Variants in KCNIP4 observed in about 807,000 individuals in gnomAD.
The protein encoded by KCNIP4 is potassium voltage-gated channel interacting protein 4.
KCNIP4 carries 12 observed loss-of-function variants against 34.0 expected under a neutral mutation model. The observed-to-expected ratio is 0.35, with a 90% CI of 0.23 to 0.57. The LOEUF (loss-of-function observed/expected upper bound fraction) is 0.57, where lower values mean the gene tolerates loss of function less well. Ranked by LOEUF, KCNIP4 falls within the 20% of genes least tolerant of loss-of-function variation. KCNIP4 has a pLI of 0.83. For missense variants in KCNIP4, 238 were observed against 311.7 expected (o/e 0.76, Z 1.78); for synonymous variants, 124 against 102.2 (o/e 1.21, Z -1.29).
At chr4:21,634,820 A>G (rs1354151774) in intron 1 of KCNIP4, among the ~76,000 whole-genome samples, 11 of 152,216 alleles carry the variant, frequency 7.2e-5, no homozygotes, top group Admixed American at 4.6e-4. Context: ...TGAACAGAAT[A>G]TTATAACCAA....
intron 1 of KCNIP4, among the ~76,000 whole-genome samples, chr4:21,464,957 T>C (rs1314306917): frequency 3.3e-5 from 5 of 152,116 alleles, no homozygotes; most frequent in Admixed American, 2.0e-4. Flanking sequence ...TCTGATTCAA[T>C]AGATCACTGT....
chr4:21,458,919 CT>C (rs1349218287), intron 1 of KCNIP4, among the ~76,000 whole-genome samples: 1 of 151,982 alleles, frequency 6.6e-6, no homozygotes, highest in African/African-American at 2.4e-5. Flanking sequence ...TAACTGAACC[CT>C]TTTCTGGGAA....
intron 1 of KCNIP4, among the ~76,000 whole-genome samples, chr4:21,445,230 C>T (rs957815682): frequency 2.6e-5 from 4 of 152,196 alleles, no homozygotes; most frequent in African/African-American, 9.7e-5. Context: ...ATGCCATCCC[C>T]ATCAAGCTAC....
At chr4:21,763,124 C>A in intron 1 of KCNIP4, 1 of 1,284,570 alleles carries the variant, frequency 7.8e-7, no homozygotes, top group Non-Finnish European at 1.0e-6. Context: ...GTTCACCAGA[C>A]AATAATTCCT....
intron 1 of KCNIP4, among the ~76,000 whole-genome samples, chr4:21,567,142 C>G (rs1338951735): frequency 6.6e-6 from 1 of 151,990 alleles, no homozygotes; most frequent in Non-Finnish European, 1.5e-5. Flanking sequence ...TAATTCCCTG[C>G]CCGGTATATA....
intron 3 of KCNIP4, among the ~76,000 whole-genome samples, chr4:20,794,466 A>G (rs187645744): frequency 1.3e-5 from 2 of 152,298 alleles, no homozygotes; most frequent in East Asian, 1.9e-4. Flanking sequence ...TATGTTAATT[A>G]TACCTCAATA....
At chr4:21,623,526 T>C (rs1038771605) in intron 1 of KCNIP4, among the ~76,000 whole-genome samples, 1 of 152,224 alleles carries the variant, frequency 6.6e-6, no homozygotes, top group Non-Finnish European at 1.5e-5. Flanking sequence ...TTAGCTTATG[T>C]TGGTTCCCAA....
In KCNIP4 at chr4:21,234,403, T is replaced by TAACATACATCA. The variant is rs1560199327; in HGVS notation, c.62-351695_62-351694insTGATGTATGTT. Among the ~76,000 whole-genome samples the TAACATACATCA allele has an allele frequency of 1.8e-4, 23 of 129,666 alleles. 6 individuals are homozygous for TAACATACATCA. The highest frequency in any genetic ancestry group is 6.0e-4 in the African/African-American group (20 of 33,570). 85.1% of individuals were successfully genotyped at this position (129,666 alleles called of 152,430 possible). ...CATCATACATAACATATATAATATA[T>TAACATACATCA]TATATAACATATACTATATATATTA... is the stretch of plus-strand genomic sequence containing the variant. On this transcript the variant is annotated intron_variant, in intron 1 of 8. Transcript: ENST00000382152.
chr4:20,884,234 G>A (rs1725030760), intron 1 of KCNIP4, among the ~76,000 whole-genome samples: 1 of 152,148 alleles, frequency 6.6e-6, no homozygotes, highest in Non-Finnish European at 1.5e-5. Flanking sequence ...TTTACTTTAA[G>A]TTCTGGGATA....
intron 1 of KCNIP4, among the ~76,000 whole-genome samples, chr4:21,067,769 G>C (rs1577631248): frequency 6.6e-6 from 1 of 152,118 alleles, no homozygotes; most frequent in Admixed American, 6.5e-5. Flanking sequence ...AGCACAGAGA[G>C]AGACCCTGTT....
intron 1 of KCNIP4, among the ~76,000 whole-genome samples, chr4:21,217,807 G>A (rs1162365636): frequency 6.6e-6 from 1 of 152,044 alleles, no homozygotes; most frequent in Non-Finnish European, 1.5e-5. Flanking sequence ...AGCCAATGTG[G>A]TGTACATCTA....
Position 21,366,980 on chromosome 4 carries a change from C to T in KCNIP4, c.62-484271G>A, listed in dbSNP as rs145164689. Among the ~76,000 whole-genome samples, 254 of 152,194 alleles carry T rather than the reference C, an allele frequency of 1.7e-3. 1 individual carries two copies. The highest frequency in any genetic ancestry group is 5.9e-3 in the African/African-American group (247 of 41,554). ...GGTGATTAACTCATGAGGACAGAGC[C>T]TCATGAGATCAGGGTCTTTAAAAAG... On this transcript the variant is annotated intron_variant, in intron 1 of 8. Coordinates refer to ENST00000382152, the MANE Select transcript of KCNIP4 (RefSeq NM_025221.6).
intron 1 of KCNIP4, among the ~76,000 whole-genome samples, chr4:21,010,987 C>T (rs1038914217): frequency 1.3e-5 from 2 of 152,130 alleles, no homozygotes; most frequent in Non-Finnish European, 2.9e-5. Context: ...GAAAACATAA[C>T]CTGCACATAT....
Position 20,971,547 on chromosome 4 carries a change from CATT to C in KCNIP4, c.62-88841_62-88839del, listed in dbSNP as rs1256929034. ...CTGTAGTCTATTAAGTGTGCAATAG[CATT>C]ATGTCTAAAAAACAATGTGCAAACT... On this transcript the variant is annotated intron_variant, in intron 1 of 8. Coordinates refer to ENST00000382152, the MANE Select transcript of KCNIP4 (RefSeq NM_025221.6). Among the ~76,000 whole-genome samples the C allele has an allele frequency of 4.6e-5, 7 of 152,150 alleles. No homozygotes were observed. The East Asian group carries it at 1.2e-3, about 25-fold the overall frequency.
chr4:20,806,378 A>T (rs1560479425), intron 3 of KCNIP4, among the ~76,000 whole-genome samples: 1 of 151,940 alleles, frequency 6.6e-6, no homozygotes, highest in Non-Finnish European at 1.5e-5. Context: ...TGCTTTACAG[A>T]GGCAACTACT....
intron 1 of KCNIP4, chr4:21,729,962 T>G (rs1715471105): frequency 6.6e-6 from 1 of 152,050 alleles, no homozygotes; most frequent in South Asian, 2.1e-4. Flanking sequence ...AAGCACAAAT[T>G]GTTGGCTTGC....
Position 21,458,669 on chromosome 4 carries a change from G to A in KCNIP4, c.61+489902C>T, listed in dbSNP as rs143476372. Among the ~76,000 whole-genome samples, 380 of 152,112 alleles carry A rather than the reference G, an allele frequency of 2.5e-3. 2 individuals are homozygous for A. The highest frequency in any genetic ancestry group is 8.2e-3 in the African/African-American group (342 of 41,486). On this transcript the variant is annotated intron_variant, in intron 1 of 8. Transcript: ENST00000382152. Reference sequence around the variant, plus strand: ...TCGCTAACCTAAAAAAGCCCTCAATGCTGCCTGGCTATCTGACTACTTTAC... The same window carrying A: ...TCGCTAACCTAAAAAAGCCCTCAATACTGCCTGGCTATCTGACTACTTTAC...
At chr4:21,399,516 G>A (rs1478207538) in intron 1 of KCNIP4, among the ~76,000 whole-genome samples, 1 of 152,188 alleles carries the variant, frequency 6.6e-6, no homozygotes, top group East Asian at 1.9e-4. Context: ...TCAATTATTT[G>A]GGCCAAGAAA....
rs181359365 is a variant in KCNIP4 at position 21,559,023 on chromosome 4, T to A, written c.61+389548A>T. ...TAACCTAGTGAATAAGAACATAGGC[T>A]TTGGAATCAGAACCACCTTAATTTA... On this transcript the variant is annotated intron_variant, in intron 1 of 8. Coordinates refer to ENST00000382152, the MANE Select transcript of KCNIP4 (RefSeq NM_025221.6). Among the ~76,000 whole-genome samples the A allele has an allele frequency of 6.5e-4, 99 of 152,280 alleles. 1 individual carries two copies. The highest frequency in any genetic ancestry group is 1.2e-3 in the Non-Finnish European group (83 of 68,018).
Sources: gnomAD v4.1 joint callset for allele counts (sites outside exome capture counted in the v4.1 genomes callset) on GRCh38, gnomAD v4.1.1 for gene constraint, MANE v1.5 for transcripts, NCBI Gene and HGNC (gene_info 2026-07-23, HGNC 2026-07-21) for gene names.